GPC5: variants seen among roughly 807,000 people sequenced by gnomAD.
GPC5 encodes the protein glypican 5.
A neutral mutation model predicts 53.9 loss-of-function variants in GPC5; 47 were observed. The observed-to-expected ratio is 0.87, with a 90% CI of 0.69 to 1.11. The LOEUF (loss-of-function observed/expected upper bound fraction) is 1.11, where lower values mean the gene tolerates loss of function less well. Among genes scored for constraint, GPC5 ranks in the 50% most tolerant of loss-of-function variants. The pLI, the probability that GPC5 is intolerant of heterozygous loss-of-function variation, is 0.00. For synonymous variants in GPC5, 286 were observed against 263.3 expected (o/e 1.09, Z -0.84); for missense variants, 748 against 713.1 (o/e 1.05, Z -0.56).
intron 2 of GPC5, among the ~76,000 whole-genome samples, chr13:91,547,048 A>G (rs1458492916): frequency 6.6e-6 from 1 of 152,098 alleles, no homozygotes; most frequent in Non-Finnish European, 1.5e-5. Context: ...AGAATGAATC[A>G]TAGGTTCTAC....
intron 5 of GPC5, among the ~76,000 whole-genome samples, chr13:91,827,941 C>A (rs1303530111): frequency 2.6e-5 from 4 of 151,950 alleles, no homozygotes. Context: ...ATGGAAATAT[C>A]CATCAACAGC....
intron 7 of GPC5, among the ~76,000 whole-genome samples, chr13:92,654,529 G>T (rs1173890423): frequency 2.6e-5 from 4 of 152,000 alleles, no homozygotes; most frequent in Non-Finnish European, 5.9e-5. Context: ...AATTACACTT[G>T]ACCATTTCTA....
Position 92,114,237 on chromosome 13 carries a change from G to C in GPC5, c.1402-30593G>C, listed in dbSNP as rs553713568. 7.2e-5 allele frequency among the ~76,000 whole-genome samples: 11 copies of C among 152,214 alleles called. No homozygotes were observed. The South Asian group carries it at 1.9e-3, about 26-fold the overall frequency. On this transcript the variant is annotated intron_variant, in intron 6 of 7. Transcript: ENST00000377067. Reference sequence around the variant, plus strand: ...GCAACACAGAGGAATTCATGGCAGGGCCTCATTTCCCACCCCACGTGTGAT... The same window carrying C: ...GCAACACAGAGGAATTCATGGCAGGCCCTCATTTCCCACCCCACGTGTGAT...
At chr13:92,114,106 C>T (rs1438743218) in intron 6 of GPC5, among the ~76,000 whole-genome samples, 1 of 152,100 alleles carries the variant, frequency 6.6e-6, no homozygotes, top group East Asian at 1.9e-4. Flanking sequence ...ACAAATGTTT[C>T]CAAATATAAT....
intron 5 of GPC5, among the ~76,000 whole-genome samples, chr13:91,788,165 A>G (rs1456772544): frequency 1.3e-5 from 2 of 152,260 alleles, no homozygotes; most frequent in Non-Finnish European, 2.9e-5. Flanking sequence ...GGGCAGTCCA[A>G]GAACAAGGTG....
intron 5 of GPC5, among the ~76,000 whole-genome samples, chr13:91,767,605 G>A (rs1233883361): frequency 6.6e-6 from 1 of 152,090 alleles, no homozygotes; most frequent in African/African-American, 2.4e-5. Flanking sequence ...GTTCCCAAAG[G>A]AAATAGGTAT....
chr13:91,963,727 T>A (rs1261814872), intron 6 of GPC5, among the ~76,000 whole-genome samples: 1 of 152,044 alleles, frequency 6.6e-6, no homozygotes, highest in African/African-American at 2.4e-5. Flanking sequence ...AGTGGGGGTA[T>A]AAGAATAGGG....
chr13:91,708,136 G>A lies in GPC5; in HGVS notation c.1020+14255G>A, dbSNP rs76215370. 1.8e-3 allele frequency among the ~76,000 whole-genome samples: 279 copies of A among 152,224 alleles called. 3 individuals carry two copies. The East Asian group carries it at 0.05, about 27-fold the overall frequency. ...TGGGACCTCACAGAAGGTGTGTGAG[G>A]GAAAAGCGTTTATAAGGTATTCACG... On this transcript the variant is annotated intron_variant, in intron 3 of 7. Transcript: ENST00000377067.
intron 6 of GPC5, among the ~76,000 whole-genome samples, chr13:92,040,507 A>T (rs931156852): frequency 6.6e-6 from 1 of 152,226 alleles, no homozygotes; most frequent in African/African-American, 2.4e-5. Context: ...AAATTCATGT[A>T]GTCTACGATA....
chr13:91,463,535 A>G (rs887155326), intron 2 of GPC5, among the ~76,000 whole-genome samples: 1 of 152,116 alleles, frequency 6.6e-6, no homozygotes, highest in Admixed American at 6.6e-5. Flanking sequence ...GGGAAGAATC[A>G]CTTTACCTAA....
intron 6 of GPC5, among the ~76,000 whole-genome samples, chr13:91,969,642 A>G (rs1477337229): frequency 6.6e-6 from 1 of 152,218 alleles, no homozygotes; most frequent in African/African-American, 2.4e-5. Flanking sequence ...TCAATTTCCA[A>G]AATACTTAAA....
At chr13:92,324,998 G>T (rs2043241025) in intron 7 of GPC5, among the ~76,000 whole-genome samples, 1 of 151,704 alleles carries the variant, frequency 6.6e-6, no homozygotes, top group African/African-American at 2.4e-5. Flanking sequence ...TAAGGAAAAA[G>T]TGATTTTGCA....
At chr13:92,115,038 G>T (rs1399242256) in intron 6 of GPC5, among the ~76,000 whole-genome samples, 1 of 152,110 alleles carries the variant, frequency 6.6e-6, no homozygotes, top group African/African-American at 2.4e-5. Context: ...CACAGAATTT[G>T]ATTAGTACTG....
At chr13:91,572,217 A>ATACACACATGTATATATATGTGTATG (rs1566517664) in intron 2 of GPC5, among the ~76,000 whole-genome samples, 4 of 89,412 alleles carry the variant, frequency 4.5e-5, no homozygotes, top group Admixed American at 9.9e-5. Context: ...ATACGTGTAT[A>ATACACACATGTATATATATGTGTATG]TATATACACA....
intron 7 of GPC5, among the ~76,000 whole-genome samples, chr13:92,526,060 G>A (rs1320199035): frequency 6.6e-6 from 1 of 152,006 alleles, no homozygotes; most frequent in Non-Finnish European, 1.5e-5. Context: ...TGTTACTGTA[G>A]AACACAGAAA....
At chr13:92,736,221 T>C (rs1453465077) in intron 7 of GPC5, among the ~76,000 whole-genome samples, 2 of 152,026 alleles carry the variant, frequency 1.3e-5, no homozygotes, top group Non-Finnish European at 2.9e-5. Context: ...AATAAGCTAA[T>C]AGTCTCCAAA....
intron 7 of GPC5, among the ~76,000 whole-genome samples, chr13:92,557,329 G>A (rs577163918): frequency 2.3e-4 from 35 of 151,918 alleles, no homozygotes; most frequent in East Asian, 1.9e-3. Flanking sequence ...AAAAAGCTAC[G>A]TAGATTCTTT....
chr13:91,676,340 G>T (rs1029557051), intron 2 of GPC5, among the ~76,000 whole-genome samples: 6 of 152,050 alleles, frequency 3.9e-5, no homozygotes, highest in Admixed American at 3.9e-4. Flanking sequence ...CAAGGTGGTG[G>T]GATTACAGAC....
intron 7 of GPC5, among the ~76,000 whole-genome samples, chr13:92,215,468 A>T (rs1158941326): frequency 1.3e-5 from 2 of 152,202 alleles, no homozygotes; most frequent in Non-Finnish European, 1.5e-5. Flanking sequence ...AAAATAATTC[A>T]TGTGGCTTGT....
Sources: gnomAD v4.1 joint callset for allele counts (sites outside exome capture counted in the v4.1 genomes callset) on GRCh38, gnomAD v4.1.1 for gene constraint, MANE v1.5 for transcripts, NCBI Gene and HGNC (gene_info 2026-07-23, HGNC 2026-07-21) for gene names.